The following SC5D variants were observed in gnomAD, a reference collection of about 807,000 sequenced individuals.
The protein encoded by SC5D is lathosterol oxidase.
SC5D carries 21 observed loss-of-function variants against 23.9 expected under a neutral mutation model. The ratio of observed to expected loss-of-function variants is 0.88; its 90% confidence interval spans 0.62 to 1.26. The LOEUF (loss-of-function observed/expected upper bound fraction) is 1.26, where lower values mean the gene tolerates loss of function less well. Among genes scored for constraint, SC5D ranks in the 50% most tolerant of loss-of-function variants. The pLI is 0.00. For synonymous variants in SC5D, 113 were observed against 125.9 expected (o/e 0.90, Z 0.68); for missense variants, 309 against 364.8 (o/e 0.85, Z 1.25).
At chr11:121,293,335 T>G (rs1192656230) in intron 1 of SC5D, among the ~76,000 whole-genome samples, 1 of 152,214 alleles carries the variant, frequency 6.6e-6, no homozygotes, top group Non-Finnish European at 1.5e-5. Context: ...AATGCTTTAC[T>G]TTTCCCTTCG....
At chr11:121,302,872 C>G (rs901681163) in intron 1 of SC5D, among the ~76,000 whole-genome samples, 1 of 152,110 alleles carries the variant, frequency 6.6e-6, no homozygotes, top group Non-Finnish European at 1.5e-5. Flanking sequence ...GTTGTGGTGG[C>G]AGCATGGATA....
At position 121,307,291 on chromosome 11, in the gene SC5D, G is replaced by C. The variant is rs1301537043; in HGVS notation, c.679G>C (p.Ala227Pro). The C allele has an allele frequency of 3.7e-6, 6 of 1,613,962 alleles. No individual in the cohort carries two copies. The highest frequency in any genetic ancestry group is 1.7e-5 in the Admixed American group (1 of 60,008). The change falls in exon 5 of 5, where the codon GCT becomes CCT. Residue 227 changes from alanine to proline, a missense_variant. Physicochemically the swap from Ala to Pro is conservative, Grantham distance 27 (BLOSUM62 -1). Coordinates refer to ENST00000264027, the MANE Select transcript of SC5D (RefSeq NM_006918.5). Reference protein sequence around the residue: ...QILQPFINGSAHHTDHHMFFD... With the variant: ...QILQPFINGSPHHTDHHMFFD... ...CTTACAGCCATTTATTAATGGCTCAGCTCATCATACAGACCACCATATGTT... is the reference window on the plus strand; with the variant it reads ...CTTACAGCCATTTATTAATGGCTCACCTCATCATACAGACCACCATATGTT...
At position 121,313,026 on chromosome 11, in the gene SC5D, C is replaced by T. The variant is rs186842257; in HGVS notation, c.*5514C>T. Among the ~76,000 whole-genome samples the T allele has an allele frequency of 2.6e-5, 4 of 152,096 alleles. No individual in the cohort carries two copies. The highest frequency in any genetic ancestry group is 1.3e-4 in the Admixed American group (2 of 15,288). On this transcript the variant is annotated 3_prime_UTR_variant, in exon 5 of 5. Transcript: ENST00000264027. ...GTAGAGTTCAATGATCTTTGATGAA[C>T]GTGTACACCCATGTAACCACCACCC... is the stretch of plus-strand genomic sequence containing the variant.
intron 1 of SC5D, among the ~76,000 whole-genome samples, chr11:121,297,950 A>G (rs1947900784): frequency 6.6e-6 from 1 of 152,190 alleles, no homozygotes; most frequent in Non-Finnish European, 1.5e-5. Context: ...TCTTTTATGC[A>G]TTCTCCTCAA....
rs1012223099 is a variant in SC5D at position 121,311,411 on chromosome 11, A to C, written c.*3899A>C. ...GAAATCAAAGATGGTCCCTACATCA[A>C]GGATAAACTATCTTTTTTTAGTCAC... On this transcript the variant is annotated 3_prime_UTR_variant, in exon 5 of 5. Transcript: ENST00000264027. Among the ~76,000 whole-genome samples, 1 of 152,224 alleles carries C rather than the reference A, an allele frequency of 6.6e-6. No individual in the cohort carries two copies. The highest frequency in any genetic ancestry group is 1.5e-5 in the Non-Finnish European group (1 of 68,040).
Position 121,307,493 on chromosome 11 carries a change from A to G in SC5D, c.881A>G (p.Glu294Gly), listed in dbSNP as rs768181937. Residue 294 changes from glutamate (E) to glycine (G), a missense_variant, in exon 5 of 5, where the codon GAG (glutamate) becomes GGG (glycine). By Grantham distance (98) the Glu-to-Gly change is moderately conservative (BLOSUM62 -2). Coordinates refer to ENST00000264027, the MANE Select transcript of SC5D (RefSeq NM_006918.5). The stretch of plus-strand genomic sequence containing the variant: ...AAGAATGAAAAATTATTCAATGGAG[A>G]GTTTACAAAGACTGAATAGATTATT... Reference protein sequence around the residue: ...GCKNEKLFNGEFTKTE With the variant: ...GCKNEKLFNGGFTKTE 7.5e-6 allele frequency: 12 copies of G among 1,601,884 alleles called. No homozygotes were observed. Among genetic ancestry groups the G allele is most frequent in the Admixed American group, 1.7e-5 (1 of 58,328 alleles).
chr11:121,306,822 TA>T, intron 4 of SC5D: 1 of 630,600 alleles, frequency 1.6e-6, no homozygotes, highest in East Asian at 2.7e-5. Context: ...CTAGGTACAC[TA>T]AAAGCCAGAC....
chr11:121,306,540 T>G (rs995111397), intron 4 of SC5D, 54 bp downstream of exon 4: 2 of 881,730 alleles, frequency 2.3e-6, no homozygotes, highest in Non-Finnish European at 3.9e-6. Flanking sequence ...CAGCAATGTA[T>G]GATTATAAAT....
chr11:121,299,911 A>C (rs867121903), intron 1 of SC5D, among the ~76,000 whole-genome samples: 1 of 152,224 alleles, frequency 6.6e-6, no homozygotes, highest in Non-Finnish European at 1.5e-5. Flanking sequence ...ATAAATAAAT[A>C]ATAAAAAAGA....
intron 1 of SC5D, among the ~76,000 whole-genome samples, chr11:121,301,393 A>G (rs981912926): frequency 4.6e-5 from 7 of 151,838 alleles, no homozygotes; most frequent in Non-Finnish European, 8.8e-5. Context: ...AGCAGATTTG[A>G]GCCAACAGAG....
At position 121,307,704 on chromosome 11, in the gene SC5D, G is replaced by T; in HGVS notation, c.*192G>T. The T allele has an allele frequency of 1.9e-6, 1 of 531,866 alleles. No homozygotes were observed. Among genetic ancestry groups the T allele is most frequent in the South Asian group, 2.6e-5 (1 of 37,790 alleles). The allele number at this position is 531,866 out of a possible 1,614,324, so 32.9% of individuals were successfully genotyped here. A position where few individuals can be genotyped will look rare whatever the true frequency, so the allele number is the denominator to read the frequency against. On this transcript the variant is annotated 3_prime_UTR_variant, in exon 5 of 5. Coordinates refer to ENST00000264027, the MANE Select transcript of SC5D (RefSeq NM_006918.5). ...CAGAAGAAGATGCTGTGAACACCAG[G>T]ACTTTAATCTTATGCTTAAAATGCC...
intron 3 of SC5D, chr11:121,305,181 A>T (rs886937386): frequency 6.7e-6 from 1 of 149,342 alleles, no homozygotes; most frequent in Non-Finnish European, 1.5e-5. Flanking sequence ...TTCAAGATAC[A>T]TTTCTAGGAT....
chr11:121,307,350 G>A lies in SC5D; in HGVS notation c.738G>A (p.Leu246=). The part of the protein sequence containing the change: ...FDYNYGQYFT[L]WDRIGGSFKN... ...ATAATTATGGACAATATTTCACTTT[G>A]TGGGATAGGATTGGCGGCTCATTCA... The change falls in exon 5 of 5, where the codon TTG becomes TTA. Residue 246 remains leucine, a synonymous_variant. Transcript: ENST00000264027. The A allele has an allele frequency of 1.9e-6, 3 of 1,614,100 alleles. No individual in the cohort carries two copies. Among genetic ancestry groups the A allele is most frequent in the Non-Finnish European group, 2.5e-6 (3 of 1,180,016 alleles).
intron 1 of SC5D, among the ~76,000 whole-genome samples, chr11:121,299,285 T>A (rs1947910442): frequency 6.6e-6 from 1 of 152,244 alleles, no homozygotes; most frequent in Non-Finnish European, 1.5e-5. Context: ...ATGACCAATG[T>A]CTAATTCCAA....
At position 121,307,577 on chromosome 11, in the gene SC5D, A is replaced by G. The variant is rs566470203; in HGVS notation, c.*65A>G. 27 of 1,144,580 alleles carry G rather than the reference A, an allele frequency of 2.4e-5. 1 individual carries two copies. The South Asian group carries it at 4.0e-4, about 17-fold the overall frequency. 70.9% of individuals were successfully genotyped at this position (1,144,580 alleles called of 1,614,324 possible). On this transcript the variant is annotated 3_prime_UTR_variant, in exon 5 of 5. Transcript: ENST00000264027. ...AATATCATCGTATTTCTTTTTTTTA[A>G]TAAGGAAAAAATAATATCCATACAG...
chr11:121,297,714 A>G (rs1947899059), intron 1 of SC5D, among the ~76,000 whole-genome samples: 1 of 152,258 alleles, frequency 6.6e-6, no homozygotes, highest in Non-Finnish European at 1.5e-5. Flanking sequence ...AGGACTGAAA[A>G]TGAAGATTCT....
At chr11:121,306,854 C>A in intron 4 of SC5D, 1 of 658,096 alleles carries the variant, frequency 1.5e-6, no homozygotes, top group South Asian at 1.7e-5. Flanking sequence ...TGCAGTATAT[C>A]CATGGAACAC....
rs867806506 is a variant in SC5D, at chr11:121,307,729, C to T, written c.*217C>T. 5.2e-5 allele frequency: 25 copies of T among 481,284 alleles called. No individual in the cohort carries two copies. The highest frequency in any genetic ancestry group is 4.1e-4 in the South Asian group (14 of 33,782). 29.8% of individuals were successfully genotyped at this position (481,284 alleles called of 1,614,324 possible). ...GACTTTAATCTTATGCTTAAAATGC[C>T]AGATGTTGTTCGGGGGACAACTTGT... On this transcript the variant is annotated 3_prime_UTR_variant, in exon 5 of 5. Transcript: ENST00000264027.
chr11:121,309,472 G>C lies in SC5D; in HGVS notation c.*1960G>C, dbSNP rs950416925. On this transcript the variant is annotated 3_prime_UTR_variant, in exon 5 of 5. Coordinates refer to ENST00000264027, the MANE Select transcript of SC5D (RefSeq NM_006918.5). ...CAGCTAGACAGTTTGCCGTATTTGT[G>C]GTGTTCTCCTCTTGTTGATGTTGAA... Among the ~76,000 whole-genome samples the C allele has an allele frequency of 2.6e-5, 4 of 152,048 alleles. No homozygotes were observed. Among genetic ancestry groups the C allele is most frequent in the African/African-American group, 9.7e-5 (4 of 41,382 alleles).
Sources: gnomAD v4.1 joint callset for allele counts (sites outside exome capture counted in the v4.1 genomes callset) on GRCh38, gnomAD v4.1.1 for gene constraint, MANE v1.5 for transcripts, NCBI Gene and HGNC (gene_info 2026-07-23, HGNC 2026-07-21) for gene names.